The following MARCHF1 variants were observed in gnomAD, a reference collection of about 807,000 sequenced individuals.
MARCHF1 encodes membrane associated ring-CH-type finger 1.
Under a neutral mutation model 54.2 loss-of-function variants are expected in MARCHF1, and 40 were observed. The ratio of observed to expected loss-of-function variants is 0.74; its 90% CI spans 0.57 to 0.96. The LOEUF (loss-of-function observed/expected upper bound fraction) is 0.96, where lower values mean the gene tolerates loss of function less well. Among genes scored for constraint, MARCHF1 ranks in the 40% least tolerant of loss-of-function variants. MARCHF1 has a pLI of 0.00. For missense variants in MARCHF1, 586 were observed against 656.5 expected, an observed-to-expected ratio of 0.89 and a Z score of 1.17; for synonymous variants, 236 against 236.3, an observed-to-expected ratio of 1.00 and a Z score of 0.01.
intron 4 of MARCHF1, among the ~76,000 whole-genome samples, chr4:163,747,924 G>T (rs928984514): frequency 5.3e-5 from 8 of 152,192 alleles, no homozygotes; most frequent in African/African-American, 1.9e-4. Flanking sequence ...GACTCTAGTG[G>T]CCAGAGAGCA....
At chr4:163,541,661 A>G (rs750916892) in intron 9 of MARCHF1, among the ~76,000 whole-genome samples, 143 of 152,310 alleles carry the variant, frequency 9.4e-4, no homozygotes, top group Non-Finnish European at 1.8e-3. Context: ...ACAGTTCAAA[A>G]GATTTTGCTG....
chr4:163,750,877 A>T (rs930828215), intron 4 of MARCHF1, among the ~76,000 whole-genome samples: 6 of 152,176 alleles, frequency 3.9e-5, no homozygotes, highest in Non-Finnish European at 8.8e-5. Flanking sequence ...ATTAAATTTT[A>T]AAAAATTTAT....
chr4:163,742,108 AT>A (rs907697449), intron 4 of MARCHF1, among the ~76,000 whole-genome samples: 22 of 151,876 alleles, frequency 1.4e-4, no homozygotes, highest in African/African-American at 4.6e-4. Flanking sequence ...TGTGTCTGCA[AT>A]TTTTTTTATG....
intron 1 of MARCHF1, among the ~76,000 whole-genome samples, chr4:164,242,620 T>G (rs1269493818): frequency 6.6e-6 from 1 of 152,128 alleles, no homozygotes. Flanking sequence ...GGAACAAAGC[T>G]GGATGGAGAA....
chr4:163,922,180 GCGGGGGGGAGCATCACACGC>G (rs145950430), intron 3 of MARCHF1, among the ~76,000 whole-genome samples: 232 of 151,162 alleles, frequency 1.5e-3, no homozygotes, highest in Middle Eastern at 6.9e-3. Flanking sequence ...ACACATGGAT[GCGGGGGGGAGCATCACACGC>G]CGGGGCCTGT....
chr4:164,188,456 G>T, intron 1 of MARCHF1: 1 of 640,322 alleles, frequency 1.6e-6, no homozygotes. Context: ...GGAGGAGGAC[G>T]TGGGCACGGT....
At chr4:164,000,757 T>C (rs1396272902) in intron 2 of MARCHF1, among the ~76,000 whole-genome samples, 1 of 151,676 alleles carries the variant, frequency 6.6e-6, no homozygotes, top group African/African-American at 2.4e-5. Context: ...ATGACTTTAT[T>C]GTGAATATTT....
In MARCHF1 at chr4:163,956,813, T is replaced by C. The variant is rs535106569; in HGVS notation, c.-39+31688A>G. ...TTTATCAATTTCAAATAAAAACACC[T>C]ATAAATTTGTGTTTTCATCAAAAGA... On this transcript the variant is annotated intron_variant, in intron 3 of 9. Coordinates refer to ENST00000514618, the MANE Select transcript of MARCHF1 (RefSeq NM_001394959.1). 3.8e-4 allele frequency among the ~76,000 whole-genome samples: 58 copies of C among 152,114 alleles called. 2 individuals are homozygous for C. In the South Asian group the frequency reaches 0.012, roughly 31 times the overall value.
intron 4 of MARCHF1, among the ~76,000 whole-genome samples, chr4:163,720,746 C>A (rs1051189154): frequency 6.6e-6 from 1 of 152,182 alleles, no homozygotes. Context: ...TCCTTCACAT[C>A]CCTTGTAAGT....
At chr4:164,320,454 C>T (rs1735112223) in intron 1 of MARCHF1, among the ~76,000 whole-genome samples, 1 of 152,118 alleles carries the variant, frequency 6.6e-6, no homozygotes, top group Non-Finnish European at 1.5e-5. Context: ...ACAGAAGTGG[C>T]AGCTCTGGAA....
At chr4:164,101,188 G>A (rs1267106085) in intron 2 of MARCHF1, among the ~76,000 whole-genome samples, 4 of 152,204 alleles carry the variant, frequency 2.6e-5, no homozygotes, top group Non-Finnish European at 2.9e-5. Flanking sequence ...GCCGGGGGAG[G>A]GGCACCCGCC....
intron 4 of MARCHF1, among the ~76,000 whole-genome samples, chr4:163,709,815 C>T (rs752372940): frequency 6.6e-6 from 1 of 152,132 alleles, no homozygotes; most frequent in Non-Finnish European, 1.5e-5. Flanking sequence ...TTGCAAAATG[C>T]GTATAAAGAC....
intron 2 of MARCHF1, among the ~76,000 whole-genome samples, chr4:163,996,076 C>T (rs1359232361): frequency 2.0e-5 from 3 of 151,792 alleles, no homozygotes; most frequent in Non-Finnish European, 4.4e-5. Flanking sequence ...TCTGAAAGAT[C>T]CAATTTTTTT....
At chr4:163,941,649 G>A (rs756261661) in intron 3 of MARCHF1, among the ~76,000 whole-genome samples, 6 of 151,994 alleles carry the variant, frequency 3.9e-5, no homozygotes, top group Admixed American at 2.0e-4. Flanking sequence ...CCCTTTACCC[G>A]TGGTCCTTCA....
intron 1 of MARCHF1, among the ~76,000 whole-genome samples, chr4:164,270,123 T>C (rs1414456334): frequency 1.3e-5 from 2 of 152,154 alleles, no homozygotes; most frequent in African/African-American, 4.8e-5. Flanking sequence ...TCTGGTCTGA[T>C]CTTCTCATCT....
At chr4:164,174,297 T>C (rs1049978958) in intron 1 of MARCHF1, among the ~76,000 whole-genome samples, 2 of 152,232 alleles carry the variant, frequency 1.3e-5, no homozygotes, top group African/African-American at 4.8e-5. Flanking sequence ...AAAAGAGTGT[T>C]ATGTAAGTAA....
chr4:163,617,796 A>G (rs1741562085), intron 5 of MARCHF1, among the ~76,000 whole-genome samples: 1 of 152,148 alleles, frequency 6.6e-6, no homozygotes, highest in South Asian at 2.1e-4. Flanking sequence ...AAGTGTCCTC[A>G]AATCACTGAT....
chr4:164,276,230 T>A (rs936702947), intron 1 of MARCHF1, among the ~76,000 whole-genome samples: 3 of 152,154 alleles, frequency 2.0e-5, no homozygotes, highest in African/African-American at 7.2e-5. Flanking sequence ...TATCTTTACC[T>A]CTCAGTGGCA....
intron 1 of MARCHF1, among the ~76,000 whole-genome samples, chr4:164,375,103 C>A (rs1321599780): frequency 3.3e-5 from 5 of 152,128 alleles, no homozygotes; most frequent in African/African-American, 1.2e-4. Context: ...AATCCAAACT[C>A]ATGTGAGTAT....
Sources: allele counts gnomAD v4.1 joint callset (sites outside exome capture counted in the v4.1 genomes callset), GRCh38; gene constraint gnomAD v4.1.1; transcripts MANE v1.5; gene names NCBI Gene and HGNC (gene_info 2026-07-23, HGNC 2026-07-21).